EYS: variants seen among roughly 807,000 people sequenced by gnomAD.
EYS encodes the protein protein eyes shut homolog.
A neutral mutation model predicts 282.1 loss-of-function variants in EYS; 250 were observed. That is an observed-to-expected ratio of 0.89 (90% CI 0.80 to 0.98). The LOEUF (loss-of-function observed/expected upper bound fraction) is 0.98. Among genes scored for constraint, EYS ranks in the 50% least tolerant of loss-of-function variants. The probability of loss-of-function intolerance (pLI) is 0.00; values close to 1 mark genes in which losing one functional copy is unlikely to be tolerated. For synonymous variants in EYS, 1,355 were observed against 1,282.9 expected, an observed-to-expected ratio of 1.06 and a Z score of -1.20; for missense variants, 4,016 against 3,709.0, an observed-to-expected ratio of 1.08 and a Z score of -2.15.
chr6:65,399,851 T>C (rs1171866170), intron 7 of EYS, among the ~76,000 whole-genome samples: 1 of 152,046 alleles, frequency 6.6e-6, no homozygotes, highest in Admixed American at 6.6e-5. Context: ...CTTTTAATCC[T>C]TTCAGCTCTA....
chr6:64,952,379 C>T (rs1052881174), intron 14 of EYS, among the ~76,000 whole-genome samples: 9 of 151,940 alleles, frequency 5.9e-5, no homozygotes, highest in African/African-American at 2.2e-4. Flanking sequence ...AATTTCAAGG[C>T]ACATCAGAAA....
At chr6:64,639,096 T>A (rs2149869016) in intron 22 of EYS, among the ~76,000 whole-genome samples, 1 of 89,454 alleles carries the variant, frequency 1.1e-5, no homozygotes, top group East Asian at 2.5e-4. Flanking sequence ...CTCCTTGACT[T>A]GTGAGAGACT....
chr6:64,647,086 T>C (rs773096757), intron 22 of EYS, among the ~76,000 whole-genome samples: 8 of 152,156 alleles, frequency 5.3e-5, no homozygotes, highest in Non-Finnish European at 8.8e-5. Context: ...TGAGACATAT[T>C]CTACTTCAAG....
chr6:65,205,001 GAAGAATATATTTA>G (rs1765997544), intron 12 of EYS, among the ~76,000 whole-genome samples: 3 of 101,842 alleles, frequency 2.9e-5, no homozygotes, highest in African/African-American at 1.3e-4. Context: ...ATATATTCTA[GAAGAATATATTTA>G]TATATTCTAG....
chr6:64,533,244 T>C (rs9351303), intron 26 of EYS, among the ~76,000 whole-genome samples: 39,792 of 151,934 alleles, frequency 0.26, 5,733 homozygotes, highest in East Asian at 0.36. Context: ...CACACATAAT[T>C]AGAGCTAGAG....
chr6:65,673,098 T>C (rs1486717224), intron 1 of EYS, among the ~76,000 whole-genome samples: 2 of 152,170 alleles, frequency 1.3e-5, no homozygotes, highest in Non-Finnish European at 2.9e-5. Context: ...TCTGGATGTA[T>C]ACGTGCAGGT....
intron 40 of EYS, among the ~76,000 whole-genome samples, chr6:63,772,180 A>G (rs1344057254): frequency 2.7e-5 from 4 of 147,208 alleles, no homozygotes; most frequent in African/African-American, 1.0e-4. Context: ...TTTTTTTTTG[A>G]GGTGGAGTCT....
chr6:65,130,800 TAA>T (rs775834925), intron 12 of EYS, among the ~76,000 whole-genome samples: 59 of 127,612 alleles, frequency 4.6e-4, no homozygotes, highest in African/African-American at 1.0e-3. Flanking sequence ...GAACTAAAGT[TAA>T]AAAAAAAAAA....
chr6:65,537,710 T>C (rs9294642), intron 2 of EYS, among the ~76,000 whole-genome samples: 31,639 of 152,150 alleles, frequency 0.21, 3,702 homozygotes, highest in East Asian at 0.31. Context: ...ATAAAAATTA[T>C]TGCTACCAGA....
chr6:65,630,851 G>T (rs2149807944), intron 2 of EYS, among the ~76,000 whole-genome samples: 1 of 152,264 alleles, frequency 6.6e-6, no homozygotes, highest in South Asian at 2.1e-4. Context: ...TGTATCAATG[G>T]AAGAAAACTT....
Position 64,771,146 on chromosome 6 carries a change from G to A in EYS, c.3443+42232C>T, listed in dbSNP as rs1387067855. ...TCAAATTCTTCACTTTTCCTTCTAT[G>A]CTATATATATAATTTCTCAAACTTT... is the stretch of plus-strand genomic sequence containing the variant. On this transcript the variant is annotated intron_variant, in intron 22 of 42. Transcript: ENST00000503581. 4.0e-5 allele frequency among the ~76,000 whole-genome samples: 6 copies of A among 151,220 alleles called. No individual in the cohort carries two copies. The Admixed American group carries it at 4.0e-4, about 10-fold the overall frequency.
intron 15 of EYS, among the ~76,000 whole-genome samples, chr6:64,929,458 C>T (rs1414260221): frequency 6.6e-6 from 1 of 152,144 alleles, no homozygotes; most frequent in Non-Finnish European, 1.5e-5. Context: ...TATGCCACTT[C>T]CTGTAAAACA....
intron 12 of EYS, among the ~76,000 whole-genome samples, chr6:65,245,131 T>A (rs1033262346): frequency 5.9e-5 from 9 of 152,298 alleles, no homozygotes; most frequent in Admixed American, 2.0e-4. Context: ...ATATTTAGAA[T>A]CATCCCAGCA....
At chr6:64,286,584 G>A (rs1408976867) in intron 30 of EYS, among the ~76,000 whole-genome samples, 1 of 152,060 alleles carries the variant, frequency 6.6e-6, no homozygotes, top group Non-Finnish European at 1.5e-5. Flanking sequence ...CTTCAAAATA[G>A]AAAAAGGTAT....
intron 24 of EYS, among the ~76,000 whole-genome samples, chr6:64,594,692 G>T (rs926952891): frequency 1.5e-5 from 2 of 131,838 alleles, no homozygotes; most frequent in African/African-American, 5.7e-5. Flanking sequence ...GGACTGTTGT[G>T]GGGTGGGGGG....
At chr6:64,980,640 G>A (rs1388882717) in intron 14 of EYS, among the ~76,000 whole-genome samples, 4 of 151,278 alleles carry the variant, frequency 2.6e-5, no homozygotes, top group Non-Finnish European at 5.9e-5. Context: ...AGGTTTATAT[G>A]TTGTATATGC....
At chr6:64,564,139 A>C (rs1413960355) in intron 26 of EYS, among the ~76,000 whole-genome samples, 1 of 151,876 alleles carries the variant, frequency 6.6e-6, no homozygotes, top group African/African-American at 2.4e-5. Flanking sequence ...ATCACATAGT[A>C]ATGCTGTTTT....
intron 12 of EYS, among the ~76,000 whole-genome samples, chr6:65,255,065 A>G (rs1767424383): frequency 6.6e-6 from 1 of 151,814 alleles, no homozygotes. Context: ...GACCCAGAAT[A>G]GCCAAAGCCA....
In EYS at chr6:64,388,780, G is replaced by A. The variant is rs370988507; in HGVS notation, c.5988C>T (p.Cys1996=). 76 of 1,543,592 alleles carry A rather than the reference G, an allele frequency of 4.9e-5. No homozygotes were observed. In the African/African-American group the frequency reaches 7.1e-4, roughly 15 times the overall value. The change falls in exon 29 of 43, where the codon TGC becomes TGT. Residue 1996 remains cysteine, a synonymous_variant. Transcript: ENST00000503581. ...LTILGRNTQI[C]ESINHVLGKP... The stretch of plus-strand genomic sequence containing the variant: ...TTCCGAGTACATGATTGATAGATTC[G>A]CATATTTGTGTATTCCTCCCTAAAA...
Sources: gnomAD v4.1 joint callset for allele counts (sites outside exome capture counted in the v4.1 genomes callset) on GRCh38, gnomAD v4.1.1 for gene constraint, MANE v1.5 for transcripts, NCBI Gene and HGNC (gene_info 2026-07-23, HGNC 2026-07-21) for gene names.